Variants in DEUP1 observed in about 807,000 individuals in gnomAD.
DEUP1 encodes deuterosome assembly protein 1.
In DEUP1, 82 loss-of-function variants were observed where a neutral mutation model predicts 87.4. That is an observed-to-expected ratio of 0.94 (90% CI 0.78 to 1.13). The LOEUF is 1.13. Ranked by LOEUF, DEUP1 falls within the 50% of genes most tolerant of loss-of-function variation. The probability of loss-of-function intolerance (pLI) is 0.00; values close to 1 mark genes in which losing one functional copy is unlikely to be tolerated. For missense variants in DEUP1, 663 were observed against 681.5 expected, an observed-to-expected ratio of 0.97 and a Z score of 0.30; for synonymous variants, 214 against 222.7, an observed-to-expected ratio of 0.96 and a Z score of 0.35.
intron 9 of DEUP1, among the ~76,000 whole-genome samples, chr11:93,392,671 T>TA (rs199730017): frequency 3.4e-5 from 5 of 147,394 alleles, no homozygotes; most frequent in South Asian, 2.2e-4. Context: ...TGGCTACATT[T>TA]AAAAAAAAGA....
At chr11:93,364,379 G>GAAGACACCATT in intron 5 of DEUP1, 85 bp downstream of exon 5, 2 of 1,196,158 alleles carry the variant, frequency 1.7e-6, no homozygotes, top group Non-Finnish European at 2.4e-6. Flanking sequence ...TGTCCACAAT[G>GAAGACACCATT]GTGTCTTCAG....
chr11:93,339,362 A>T (rs1346333037), intron 2 of DEUP1, among the ~76,000 whole-genome samples: 1 of 152,226 alleles, frequency 6.6e-6, no homozygotes, highest in East Asian at 1.9e-4. Flanking sequence ...TATACAATCC[A>T]TGCAATGAAA....
intron 5 of DEUP1, among the ~76,000 whole-genome samples, chr11:93,364,726 C>T (rs1393933295): frequency 6.6e-6 from 1 of 151,864 alleles, no homozygotes; most frequent in Non-Finnish European, 1.5e-5. Context: ...TCTTTAAAGG[C>T]ATAATGTCAC....
chr11:93,336,704 T>C (rs1348911263), intron 2 of DEUP1, among the ~76,000 whole-genome samples: 1 of 152,146 alleles, frequency 6.6e-6, no homozygotes, highest in Non-Finnish European at 1.5e-5. Flanking sequence ...TTTTAGCTTC[T>C]CCAGAGAATA....
intron 2 of DEUP1, among the ~76,000 whole-genome samples, chr11:93,354,748 A>T (rs1944799929): frequency 6.6e-6 from 1 of 152,202 alleles, no homozygotes; most frequent in African/African-American, 2.4e-5. Context: ...CACAGGAAAG[A>T]CTGACCCCCA....
chr11:93,340,772 A>G (rs1193186880), intron 2 of DEUP1, among the ~76,000 whole-genome samples: 2 of 152,204 alleles, frequency 1.3e-5, no homozygotes, highest in South Asian at 2.1e-4. Flanking sequence ...GGATGGTCCA[A>G]AGACTTTTGG....
chr11:93,367,216 T>C (rs1215349080), intron 5 of DEUP1, among the ~76,000 whole-genome samples: 1 of 152,158 alleles, frequency 6.6e-6, no homozygotes, highest in Non-Finnish European at 1.5e-5. Flanking sequence ...AGTAAAAACT[T>C]CCTAATTTAT....
upstream of DEUP1, chr11:93,330,684 C>T (rs1375042535): frequency 6.5e-6 from 1 of 153,054 alleles, no homozygotes; most frequent in Non-Finnish European, 1.5e-5. Context: ...TGGCGGGGCC[C>T]CTTGGGGCGG....
At chr11:93,332,084 A>C (rs1460781291) in intron 1 of DEUP1, 132 bp from the exon 2 acceptor site, 1 of 519,750 alleles carries the variant, frequency 1.9e-6, no homozygotes, top group Non-Finnish European at 3.4e-6. Flanking sequence ...AGGTTTCTAT[A>C]TTTTGTAGGA....
At chr11:93,330,077 T>C (rs1004873046), upstream of DEUP1, 2 of 152,224 alleles carry the variant, frequency 1.3e-5, no homozygotes, top group Non-Finnish European at 2.9e-5. Context: ...CCCATCGCGC[T>C]TGACGGGAAA....
intron 4 of DEUP1, among the ~76,000 whole-genome samples, chr11:93,358,703 C>T (rs1318181079): frequency 1.3e-5 from 2 of 152,132 alleles, no homozygotes; most frequent in Admixed American, 6.5e-5. Context: ...CGTGCCTCAG[C>T]CTCCAAATAG....
At chr11:93,387,914 GCA>G (rs1326767063) in intron 8 of DEUP1, among the ~76,000 whole-genome samples, 20 of 152,060 alleles carry the variant, frequency 1.3e-4, no homozygotes. Context: ...ATATTTCTTT[GCA>G]CACATATATG....
chr11:93,420,112 A>G (rs539112111), intron 13 of DEUP1, among the ~76,000 whole-genome samples: 3 of 152,210 alleles, frequency 2.0e-5, no homozygotes, highest in Non-Finnish European at 4.4e-5. Context: ...ACACAACCAA[A>G]TAAGAGAATT....
At chr11:93,387,690 C>T (rs1392814233) in intron 8 of DEUP1, among the ~76,000 whole-genome samples, 2 of 152,046 alleles carry the variant, frequency 1.3e-5, no homozygotes. Context: ...CAGCATTCTA[C>T]TTCCTGAAAT....
At chr11:93,374,022 C>G (rs1945907105) in intron 7 of DEUP1, among the ~76,000 whole-genome samples, 1 of 152,104 alleles carries the variant, frequency 6.6e-6, no homozygotes, top group East Asian at 1.9e-4. Context: ...ATTTGCATTT[C>G]CCTGATCATT....
intron 11 of DEUP1, among the ~76,000 whole-genome samples, chr11:93,407,212 A>G (rs1321818963): frequency 6.6e-6 from 1 of 152,088 alleles, no homozygotes; most frequent in Non-Finnish European, 1.5e-5. Context: ...TATTTTGAAA[A>G]AAAAACTGAA....
At chr11:93,389,153 C>A in intron 9 of DEUP1, 28 bp downstream of exon 9, 1 of 1,290,744 alleles carries the variant, frequency 7.7e-7, no homozygotes, top group Non-Finnish European at 1.1e-6. Context: ...CTCCATTCTT[C>A]CAGGTAGATG....
intron 11 of DEUP1, among the ~76,000 whole-genome samples, chr11:93,398,403 A>G (rs912639341): frequency 2.0e-5 from 3 of 152,166 alleles, no homozygotes; most frequent in African/African-American, 7.2e-5. Context: ...ACACCTTGGA[A>G]TAGCTTCCTA....
chr11:93,380,084 G>A (rs368412085), intron 7 of DEUP1, among the ~76,000 whole-genome samples: 52 of 152,292 alleles, frequency 3.4e-4, no homozygotes, highest in African/African-American at 1.2e-3. Flanking sequence ...AACAAGGAAA[G>A]GAGTGTGACC....
Sources: allele counts gnomAD v4.1 joint callset (sites outside exome capture counted in the v4.1 genomes callset), GRCh38; gene constraint gnomAD v4.1.1; transcripts MANE v1.5; gene names NCBI Gene and HGNC (gene_info 2026-07-23, HGNC 2026-07-21).